Variants in GNG4 observed in about 807,000 individuals in gnomAD.
GNG4 encodes guanine nucleotide-binding protein G(I)/G(S)/G(O) subunit gamma-4.
In GNG4, 4 loss-of-function variants were observed where a neutral mutation model predicts 5.8. The ratio of observed to expected loss-of-function variants is 0.69; its 90% CI spans 0.34 to 1.57. GNG4 has a LOEUF of 1.57. Ranked by LOEUF, GNG4 falls within the 40% of genes most tolerant of loss-of-function variation. The pLI is 0.06. For missense variants in GNG4, 96 were observed against 95.1 expected (o/e 1.01, Z -0.04); for synonymous variants, 29 against 32.9 (o/e 0.88, Z 0.41).
intron 1 of GNG4, among the ~76,000 whole-genome samples, chr1:235,634,474 G>A (rs1034966613): frequency 2.6e-5 from 4 of 152,304 alleles, no homozygotes; most frequent in South Asian, 2.1e-4. Context: ...TCTATCAACC[G>A]AGGGTCTGGT....
chr1:235,596,209 T>TACACACACACACACACACACACAC (rs59527448), intron 1 of GNG4, among the ~76,000 whole-genome samples: 35 of 133,572 alleles, frequency 2.6e-4, no homozygotes, highest in African/African-American at 8.6e-4. Flanking sequence ...ACAAACAAAA[T>TACACACACACACACACACACACAC]ACACACACAC....
Position 235,552,245 on chromosome 1 carries a change from G to C in GNG4, c.100-8C>G, listed in dbSNP as rs1024750721. On this transcript the variant is annotated splice_polypyrimidine_tract_variant and splice_region_variant and intron_variant, in intron 3 of 3. Coordinates refer to ENST00000391854, the MANE Select transcript of GNG4 (RefSeq NM_001098722.2). ...CGCAGCTGCCTGGGAGACCTGTGAG[G>C]GCACAGAGCACAGGTGCTCAGTTAA... is the stretch of plus-strand genomic sequence containing the variant. The C allele has an allele frequency of 1.2e-6, 2 of 1,613,626 alleles. No homozygotes were observed. The highest frequency in any genetic ancestry group is 1.7e-5 in the Admixed American group (1 of 60,020).
intron 2 of GNG4, among the ~76,000 whole-genome samples, chr1:235,593,544 G>A (rs1308510890): frequency 2.0e-5 from 3 of 152,212 alleles, no homozygotes; most frequent in African/African-American, 7.2e-5. Context: ...TGGGTTCTTG[G>A]TCTCACCAAC....
rs1171976241 is a variant in GNG4, at chr1:235,648,795, C to T, written c.-123+867G>A. Among the ~76,000 whole-genome samples the T allele has an allele frequency of 1.3e-5, 2 of 152,212 alleles. No individual in the cohort carries two copies. The highest frequency in any genetic ancestry group is 2.9e-5 in the Non-Finnish European group (2 of 68,028). ...GGGTAGAGGAGAGACGCGGCAGCCG[C>T]GGGGCCGGGGAGACGGTGGGAGGCC... On this transcript the variant is annotated intron_variant, in intron 1 of 3. Coordinates refer to ENST00000391854, the MANE Select transcript of GNG4 (RefSeq NM_001098722.2). The surrounding 1 kb of genome is among the most constrained non-coding windows in gnomAD (Gnocchi z 5.0).
At chr1:235,632,917 A>G (rs550844812) in intron 1 of GNG4, among the ~76,000 whole-genome samples, 1 of 152,330 alleles carries the variant, frequency 6.6e-6, no homozygotes, top group South Asian at 2.1e-4. Context: ...ATTGCTTTTA[A>G]AAGAGGAAGG....
rs568288545 is a variant in GNG4, at chr1:235,593,168, T to C, written c.-11+2232A>G. ...TTCACCATGTTGGCCAGGCTGATCT[T>C]GAACTCCTGACCTCAGGTCATCCAC... On this transcript the variant is annotated intron_variant, in intron 2 of 3. Coordinates refer to ENST00000391854, the MANE Select transcript of GNG4 (RefSeq NM_001098722.2). 3.3e-5 allele frequency among the ~76,000 whole-genome samples: 5 copies of C among 152,286 alleles called. No homozygotes were observed. The East Asian group carries it at 9.7e-4, about 29-fold the overall frequency.
Position 235,622,019 on chromosome 1 carries a change from GA to G in GNG4, c.-122-26509del, listed in dbSNP as rs1236372230. Reference sequence around the variant, plus strand: ...AAAAATAACTCAGCTCTTATGAAAAGAAATTAGAAAATAAAATTAACTTATG... The same window carrying G: ...AAAAATAACTCAGCTCTTATGAAAAGAATTAGAAAATAAAATTAACTTATG... On this transcript the variant is annotated intron_variant, in intron 1 of 3. Transcript: ENST00000391854. Among the ~76,000 whole-genome samples, 16 of 151,984 alleles carry G rather than the reference GA, an allele frequency of 1.1e-4. No homozygotes were observed. In the South Asian group the frequency reaches 1.7e-3, roughly 16 times the overall value.
chr1:235,593,497 C>A (rs981444553), intron 2 of GNG4, among the ~76,000 whole-genome samples: 4 of 152,210 alleles, frequency 2.6e-5, no homozygotes, highest in African/African-American at 9.7e-5. Context: ...GCCGGCCTTC[C>A]GGACAATGCC....
At chr1:235,641,202 A>G (rs576634649) in intron 1 of GNG4, among the ~76,000 whole-genome samples, 40 of 152,232 alleles carry the variant, frequency 2.6e-4, no homozygotes, top group African/African-American at 9.2e-4. Context: ...CCTGGGCAAC[A>G]TAGTGAGAAC....
At chr1:235,601,291 G>A (rs1217087915) in intron 1 of GNG4, among the ~76,000 whole-genome samples, 1 of 152,194 alleles carries the variant, frequency 6.6e-6, no homozygotes, top group African/African-American at 2.4e-5. Flanking sequence ...GAGCCCCCTA[G>A]TGGTGCTCGG....
chr1:235,605,253 C>A (rs557761352), intron 1 of GNG4, among the ~76,000 whole-genome samples: 1 of 150,880 alleles, frequency 6.6e-6, no homozygotes, highest in African/African-American at 2.4e-5. Context: ...TGCAGCGGCA[C>A]GATCCCGGCT....
intron 3 of GNG4, among the ~76,000 whole-genome samples, chr1:235,582,124 C>A (rs1687652394): frequency 6.6e-6 from 1 of 152,216 alleles, no homozygotes; most frequent in African/African-American, 2.4e-5. Context: ...CCGATCGCAT[C>A]TTTGCTGTCT....
At position 235,642,076 on chromosome 1, in the gene GNG4, G is replaced by A. The variant is rs1034937179; in HGVS notation, c.-123+7586C>T. 1.3e-5 allele frequency among the ~76,000 whole-genome samples: 2 copies of A among 152,196 alleles called. No homozygotes were observed. The highest frequency in any genetic ancestry group is 6.5e-5 in the Admixed American group (1 of 15,284). On this transcript the variant is annotated intron_variant, in intron 1 of 3. Transcript: ENST00000391854. The surrounding 1 kb of genome is among the most constrained non-coding windows in gnomAD (Gnocchi z 4.3). ...CCCTAGAGCTTCCAACGTACAGTGC[G>A]GAAAAGCAACATAACACACTAAGAA...
rs1057458446 is a variant in GNG4, at chr1:235,551,512, C to T, written c.*597G>A. On this transcript the variant is annotated 3_prime_UTR_variant, in exon 4 of 4. Transcript: ENST00000391854. Reference sequence around the variant, plus strand: ...GAGCTGAGGTCACGCCATTGCACTCCAGCCTGGGTGACAGAGCGAGACTCC... The same window carrying T: ...GAGCTGAGGTCACGCCATTGCACTCTAGCCTGGGTGACAGAGCGAGACTCC... 1 of 152,688 alleles carries T rather than the reference C, an allele frequency of 6.5e-6. No homozygotes were observed. Among genetic ancestry groups the T allele is most frequent in the Non-Finnish European group, 1.5e-5 (1 of 68,498 alleles). 9.5% of individuals were successfully genotyped at this position (152,688 alleles called of 1,614,324 possible).
At chr1:235,609,552 T>G (rs761299744) in intron 1 of GNG4, among the ~76,000 whole-genome samples, 2 of 152,154 alleles carry the variant, frequency 1.3e-5, no homozygotes, top group Non-Finnish European at 2.9e-5. Flanking sequence ...AAAAAAAGTC[T>G]TAACATTAAA....
intron 1 of GNG4, among the ~76,000 whole-genome samples, chr1:235,614,109 G>A (rs1315833692): frequency 6.6e-6 from 1 of 152,180 alleles, no homozygotes; most frequent in East Asian, 1.9e-4. Context: ...CGCTGCGCCT[G>A]GCCTAGATTC....
intron 3 of GNG4, among the ~76,000 whole-genome samples, chr1:235,556,360 A>G (rs1035356405): frequency 1.3e-5 from 2 of 151,486 alleles, no homozygotes; most frequent in African/African-American, 4.8e-5. Context: ...GAGCTCAAGA[A>G]CATCCTGGCC....
intron 1 of GNG4, among the ~76,000 whole-genome samples, chr1:235,626,082 C>G (rs1415889005): frequency 1.3e-5 from 2 of 152,284 alleles, no homozygotes; most frequent in East Asian, 3.9e-4. Context: ...TCTGCAGATC[C>G]TGGCCCGCTT....
chr1:235,619,184 C>CACATAT (rs1553371251), intron 1 of GNG4, among the ~76,000 whole-genome samples: 14 of 69,640 alleles, frequency 2.0e-4, no homozygotes, highest in African/African-American at 8.8e-4. Context: ...TATACACACA[C>CACATAT]ATATATATAC....
Sources: gnomAD v4.1 joint callset for allele counts (sites outside exome capture counted in the v4.1 genomes callset) on GRCh38, gnomAD v4.1.1 for gene constraint, Gnocchi (gnomAD v3.1) non-coding constraint, MANE v1.5 for transcripts, NCBI Gene and HGNC (gene_info 2026-07-23, HGNC 2026-07-21) for gene names.